KHDRBS2: variants seen among roughly 807,000 people sequenced by gnomAD.
The protein encoded by KHDRBS2 is KH RNA binding domain containing, signal transduction associated 2, also known as KH domain-containing, RNA-binding, signal transduction-associated protein 2.
KHDRBS2 carries 26 observed loss-of-function variants against 44.3 expected under a neutral mutation model. The observed-to-expected ratio is 0.59, with a 90% confidence interval of 0.43 to 0.81. The LOEUF (loss-of-function observed/expected upper bound fraction) is 0.81. Among genes scored for constraint, KHDRBS2 ranks in the 40% least tolerant of loss-of-function variants. The pLI is 0.00. For synonymous variants in KHDRBS2, 194 were observed against 151.1 expected (o/e 1.28, Z -2.08); for missense variants, 476 against 433.1 (o/e 1.10, Z -0.88).
At chr6:62,202,162 A>C (rs1279883707) in intron 1 of KHDRBS2, among the ~76,000 whole-genome samples, 1 of 152,080 alleles carries the variant, frequency 6.6e-6, no homozygotes, top group Non-Finnish European at 1.5e-5. Context: ...TTTTAATTGA[A>C]AATAGCAGTT....
In KHDRBS2 at chr6:61,687,120, G is replaced by A. The variant is rs1172773948; in HGVS notation, c.953-6060C>T. On this transcript the variant is annotated intron_variant, in intron 8 of 8. Transcript: ENST00000281156. Reference sequence around the variant, plus strand: ...GTAATTATATAGTTTATTATTTTAAGATGCAGAGGGTAACAGAAGAGGGAG... The same window carrying A: ...GTAATTATATAGTTTATTATTTTAAAATGCAGAGGGTAACAGAAGAGGGAG... Among the ~76,000 whole-genome samples, 5 of 151,694 alleles carry A rather than the reference G, an allele frequency of 3.3e-5. No individual in the cohort carries two copies. In the East Asian group the frequency reaches 9.7e-4, roughly 30 times the overall value.
At chr6:61,616,725 A>T in the KHDRBS2 span, among the ~76,000 whole-genome samples, 1 of 151,970 alleles carries the variant, frequency 6.6e-6, no homozygotes, top group African/African-American at 2.4e-5. Flanking sequence ...TATTAATGAG[A>T]AGACTAAGAC....
At chr6:62,204,801 T>C (rs1032039816) in intron 1 of KHDRBS2, among the ~76,000 whole-genome samples, 1 of 152,140 alleles carries the variant, frequency 6.6e-6, no homozygotes, top group African/African-American at 2.4e-5. Context: ...AATCAGCATA[T>C]ACAAAAAGTT....
At chr6:61,755,567 T>G (rs1296288093) in intron 6 of KHDRBS2, among the ~76,000 whole-genome samples, 2 of 151,974 alleles carry the variant, frequency 1.3e-5, no homozygotes, top group African/African-American at 4.8e-5. Context: ...ATCCCAGCAC[T>G]TTAGGAGGCT....
At chr6:61,929,381 A>G (rs1184445891) in intron 4 of KHDRBS2, among the ~76,000 whole-genome samples, 2 of 152,216 alleles carry the variant, frequency 1.3e-5, no homozygotes, top group Non-Finnish European at 2.9e-5. Flanking sequence ...AGTGAACATC[A>G]GTTTTTCAAC....
chr6:61,885,902 C>T (rs1800880228), intron 6 of KHDRBS2, among the ~76,000 whole-genome samples: 1 of 152,090 alleles, frequency 6.6e-6, no homozygotes, highest in Non-Finnish European at 1.5e-5. Context: ...TTTACCCATT[C>T]CTGTGTACAA....
chr6:62,255,362 A>G (rs538858717), intron 1 of KHDRBS2, among the ~76,000 whole-genome samples: 35 of 152,164 alleles, frequency 2.3e-4, no homozygotes, highest in Non-Finnish European at 4.3e-4. Context: ...TGGATGCTAA[A>G]TAAGTGCCAA....
intron 6 of KHDRBS2, among the ~76,000 whole-genome samples, chr6:61,738,975 G>T (rs757558935): frequency 2.0e-5 from 3 of 151,900 alleles, no homozygotes; most frequent in Non-Finnish European, 4.4e-5. Flanking sequence ...TTTTTATCCA[G>T]TGTAGTTCTG....
chr6:62,266,538 T>C (rs369558934), intron 1 of KHDRBS2, among the ~76,000 whole-genome samples: 1 of 152,006 alleles, frequency 6.6e-6, no homozygotes, highest in East Asian at 1.9e-4. Context: ...GAAAATAAAT[T>C]CTATGTGGGC....
intron 2 of KHDRBS2, among the ~76,000 whole-genome samples, chr6:62,097,561 G>A (rs779306729): frequency 1.3e-5 from 2 of 151,754 alleles, no homozygotes; most frequent in Admixed American, 6.6e-5. Context: ...CTCTTTTTCA[G>A]TTTCCATTTC....
chr6:61,948,674 T>TTATTATTAC (rs1764106703), intron 4 of KHDRBS2, among the ~76,000 whole-genome samples: 2 of 148,164 alleles, frequency 1.3e-5, no homozygotes, highest in South Asian at 4.2e-4. Context: ...ATTATTATTA[T>TTATTATTAC]TATTATTATT....
chr6:62,241,242 TATA>T (rs1172847449), intron 1 of KHDRBS2, among the ~76,000 whole-genome samples: 7 of 152,284 alleles, frequency 4.6e-5, no homozygotes, highest in Non-Finnish European at 7.4e-5. Flanking sequence ...GAGGAAAAAC[TATA>T]ATGACAGTGA....
chr6:61,861,307 G>A (rs1364936596), intron 6 of KHDRBS2, among the ~76,000 whole-genome samples: 2 of 152,052 alleles, frequency 1.3e-5, no homozygotes, highest in Admixed American at 1.3e-4. Context: ...TGTCCTGAAT[G>A]GTAATGCCTG....
At chr6:61,633,757 A>G in the KHDRBS2 span, among the ~76,000 whole-genome samples, 2 of 151,870 alleles carry the variant, frequency 1.3e-5, no homozygotes, top group East Asian at 3.9e-4. Context: ...CCCAAGGGCA[A>G]TTCTTTATTA....
chr6:61,827,999 C>T (rs1384539523), intron 6 of KHDRBS2, among the ~76,000 whole-genome samples: 1 of 152,128 alleles, frequency 6.6e-6, no homozygotes, highest in Non-Finnish European at 1.5e-5. Context: ...TTTAAATCCC[C>T]CCTGTTCTGT....
chr6:61,972,090 C>A (rs1197060891), intron 4 of KHDRBS2, among the ~76,000 whole-genome samples: 3 of 152,108 alleles, frequency 2.0e-5, no homozygotes, highest in African/African-American at 7.2e-5. Context: ...ACCTTTTCTG[C>A]TCAATCTCCA....
At chr6:61,551,715 A>G in the KHDRBS2 span, among the ~76,000 whole-genome samples, 2 of 151,984 alleles carry the variant, frequency 1.3e-5, no homozygotes, top group Non-Finnish European at 2.9e-5. Flanking sequence ...CTGTCCCACT[A>G]GTCTATGTGT....
At chr6:61,780,223 G>A (rs372130065) in intron 6 of KHDRBS2, among the ~76,000 whole-genome samples, 18 of 152,208 alleles carry the variant, frequency 1.2e-4, no homozygotes, top group South Asian at 8.3e-4. Flanking sequence ...GTTGAAGGCC[G>A]GATGCGGTGG....
chr6:62,114,379 T>A (rs1805717040), intron 2 of KHDRBS2, among the ~76,000 whole-genome samples: 1 of 152,126 alleles, frequency 6.6e-6, no homozygotes, highest in Non-Finnish European at 1.5e-5. Context: ...AAACAACATG[T>A]TTTAAGGAAC....
Sources: gnomAD v4.1 joint callset for allele counts (sites outside exome capture counted in the v4.1 genomes callset) on GRCh38, gnomAD v4.1.1 for gene constraint, MANE v1.5 for transcripts, NCBI Gene and HGNC (gene_info 2026-07-23, HGNC 2026-07-21) for gene names.